Variants in HMCN1 observed in about 807,000 individuals in gnomAD.
HMCN1 encodes hemicentin-1.
In HMCN1, 321 loss-of-function variants were observed where a neutral mutation model predicts 625.9. The ratio of observed to expected loss-of-function variants is 0.51; its 90% confidence interval spans 0.47 to 0.56. The LOEUF (loss-of-function observed/expected upper bound fraction) is 0.56, where lower values mean the gene tolerates loss of function less well. HMCN1 is among the 20% of genes least tolerant of loss of function. HMCN1 has a pLI of 0.00. For synonymous variants in HMCN1, 2,425 were observed against 2,417.6 expected, an observed-to-expected ratio of 1.00 and a Z score of -0.09; for missense variants, 6,588 against 6,887.3, an observed-to-expected ratio of 0.96 and a Z score of 1.54.
chr1:185,763,865 T>C (rs548593213), intron 1 of HMCN1, among the ~76,000 whole-genome samples: 2 of 152,326 alleles, frequency 1.3e-5, no homozygotes, highest in Non-Finnish European at 2.9e-5. Flanking sequence ...TCTAACATTC[T>C]TGTATTAATT....
intron 11 of HMCN1, among the ~76,000 whole-genome samples, chr1:185,956,701 G>A (rs1398280803): frequency 1.3e-5 from 2 of 151,942 alleles, no homozygotes; most frequent in Admixed American, 6.6e-5. Context: ...AGTGATCATC[G>A]CTGCCTTCAT....
At chr1:185,815,045 T>C (rs980911826) in intron 1 of HMCN1, among the ~76,000 whole-genome samples, 1 of 150,044 alleles carries the variant, frequency 6.7e-6, no homozygotes, top group Non-Finnish European at 1.5e-5. Context: ...TCAGTGTTCT[T>C]TGGTAAAAAA....
At chr1:186,120,615 A>AC (rs1661355142) in intron 80 of HMCN1, among the ~76,000 whole-genome samples, 1 of 152,222 alleles carries the variant, frequency 6.6e-6, no homozygotes, top group Non-Finnish European at 1.5e-5. Flanking sequence ...GAATTTTTAT[A>AC]TCTTGCATGC....
intron 22 of HMCN1, among the ~76,000 whole-genome samples, chr1:185,991,712 TAAA>T (rs527701139): frequency 2.5e-4 from 37 of 148,438 alleles, no homozygotes; most frequent in African/African-American, 7.4e-4. Context: ...TTCTTTTTTT[TAAA>T]AAAAAAAACA....
chr1:185,849,603 T>A (rs562699602), intron 2 of HMCN1, among the ~76,000 whole-genome samples: 8 of 152,308 alleles, frequency 5.3e-5, no homozygotes, highest in African/African-American at 1.9e-4. Context: ...GTTGGATAAA[T>A]GACTTAATTC....
chr1:186,106,845 C>T, intron 69 of HMCN1, 39 bp from the exon 70 acceptor site: 1 of 1,312,674 alleles, frequency 7.6e-7, no homozygotes, highest in African/African-American at 1.4e-5. Context: ...CAAAAGCTAA[C>T]ATGTTAACAT....
At chr1:185,852,252 TG>T (rs919234265) in intron 2 of HMCN1, among the ~76,000 whole-genome samples, 3 of 152,108 alleles carry the variant, frequency 2.0e-5, no homozygotes, top group Admixed American at 6.5e-5. Flanking sequence ...GCCAATTTGG[TG>T]TATACACTTT....
chr1:185,768,857 T>G lies in HMCN1; in HGVS notation c.268+33810T>G, dbSNP rs116542531. 2.4e-3 allele frequency among the ~76,000 whole-genome samples: 360 copies of G among 152,314 alleles called. 3 individuals carry two copies. The highest frequency in any genetic ancestry group is 8.2e-3 in the African/African-American group (342 of 41,568). On this transcript the variant is annotated intron_variant, in intron 1 of 106. Coordinates refer to ENST00000271588, the MANE Select transcript of HMCN1 (RefSeq NM_031935.3). Reference sequence around the variant, plus strand: ...AGAAGACATGAAGTTAAGTATCATATCTGTTACTCACTTTTTGACCTTGAA... The same window carrying G: ...AGAAGACATGAAGTTAAGTATCATAGCTGTTACTCACTTTTTGACCTTGAA...
At position 185,995,103 on chromosome 1, in the gene HMCN1, G is replaced by A; in HGVS notation, c.3778+16G>A. On this transcript the variant is annotated intron_variant, in intron 24 of 106. Coordinates refer to ENST00000271588, the MANE Select transcript of HMCN1 (RefSeq NM_031935.3). ...CATGTCCAAGGTGATTCTTGACACA[G>A]GAAAATATATGTATGTAGGGTGGGG... 1.2e-6 allele frequency: 2 copies of A among 1,611,722 alleles called. No homozygotes were observed. Among genetic ancestry groups the A allele is most frequent in the African/African-American group, 1.3e-5 (1 of 74,958 alleles).
intron 4 of HMCN1, among the ~76,000 whole-genome samples, chr1:185,906,951 A>ATTTTT (rs573094693): frequency 5.5e-5 from 6 of 108,626 alleles, no homozygotes; most frequent in Non-Finnish European, 6.4e-5. Flanking sequence ...AATCCTTTCT[A>ATTTTT]TTTTTTTTTT....
Position 185,977,783 on chromosome 1 carries a change from C to T in HMCN1, c.2372-4C>T. 2 of 1,603,662 alleles carry T rather than the reference C, an allele frequency of 1.2e-6. No homozygotes were observed. Among genetic ancestry groups the T allele is most frequent in the Non-Finnish European group, 1.7e-6 (2 of 1,170,902 alleles). ...ACTTATTTGTTGTTTGTAATGTCTTCCAGCACCTCCAGTTTTCATACAAGA... is the reference window on the plus strand; with the variant it reads ...ACTTATTTGTTGTTTGTAATGTCTTTCAGCACCTCCAGTTTTCATACAAGA... On this transcript the variant is annotated splice_region_variant and splice_polypyrimidine_tract_variant and intron_variant, in intron 15 of 106. Transcript: ENST00000271588.
rs372107481 is a variant in HMCN1, at chr1:186,114,130, A to C, written c.11276+7A>C. On this transcript the variant is annotated splice_region_variant and intron_variant, in intron 73 of 106. Transcript: ENST00000271588. ...TAGCTGGGAATCATGCAAGGTAACC[A>C]TACTGGAAAATTAAAAAATGCTATA... 8.1e-6 allele frequency: 13 copies of C among 1,613,916 alleles called. No homozygotes were observed. The highest frequency in any genetic ancestry group is 1.7e-5 in the Admixed American group (1 of 60,006).
chr1:185,945,219 G>A (rs1668275518), intron 11 of HMCN1, among the ~76,000 whole-genome samples: 1 of 152,208 alleles, frequency 6.6e-6, no homozygotes, highest in African/African-American at 2.4e-5. Flanking sequence ...AAAACTGGTA[G>A]ATAAGGATTA....
At chr1:186,047,967 G>A (rs1193274606) in intron 41 of HMCN1, among the ~76,000 whole-genome samples, 2 of 152,058 alleles carry the variant, frequency 1.3e-5, no homozygotes, top group African/African-American at 4.8e-5. Context: ...ATTATTGATT[G>A]CAAACTTAGT....
intron 80 of HMCN1, among the ~76,000 whole-genome samples, chr1:186,121,712 G>A (rs1288530973): frequency 1.3e-5 from 2 of 152,122 alleles, no homozygotes; most frequent in Non-Finnish European, 2.9e-5. Flanking sequence ...GGAGCTCATG[G>A]GAGAAGTATA....
chr1:185,812,678 A>G (rs114151349), intron 1 of HMCN1, among the ~76,000 whole-genome samples: 3,640 of 152,280 alleles, frequency 0.024, 138 homozygotes, highest in African/African-American at 0.082. Context: ...TGAAAACTGA[A>G]TAATTGAGAG....
At chr1:186,044,213 G>C (rs1656399656) in intron 40 of HMCN1, among the ~76,000 whole-genome samples, 1 of 152,158 alleles carries the variant, frequency 6.6e-6, no homozygotes, top group African/African-American at 2.4e-5. Flanking sequence ...AGTGTTTTCT[G>C]TTTCTCACAG....
At chr1:186,048,259 G>T (rs1407194548) in intron 41 of HMCN1, among the ~76,000 whole-genome samples, 1 of 152,078 alleles carries the variant, frequency 6.6e-6, no homozygotes, top group African/African-American at 2.4e-5. Flanking sequence ...TAATTCATCT[G>T]CCAAGCACCA....
intron 11 of HMCN1, among the ~76,000 whole-genome samples, chr1:185,951,584 T>A (rs1041502222): frequency 1.3e-5 from 2 of 151,332 alleles, no homozygotes; most frequent in Non-Finnish European, 3.0e-5. Flanking sequence ...CGAGAAGATC[T>A]GGGAAGGAGT....
Sources: allele counts gnomAD v4.1 joint callset (sites outside exome capture counted in the v4.1 genomes callset), GRCh38; gene constraint gnomAD v4.1.1; transcripts MANE v1.5; gene names NCBI Gene and HGNC (gene_info 2026-07-23, HGNC 2026-07-21).